SUGCT: variants seen among roughly 807,000 people sequenced by gnomAD.
SUGCT encodes succinyl-CoA:glutarate-CoA transferase.
Under a neutral mutation model 55.0 loss-of-function variants are expected in SUGCT, and 41 were observed. The observed-to-expected ratio is 0.74, with a 90% CI of 0.58 to 0.97. The LOEUF is 0.97. Among genes scored for constraint, SUGCT ranks in the 50% least tolerant of loss-of-function variants. SUGCT has a pLI of 0.00. For missense variants in SUGCT, 568 were observed against 547.8 expected (o/e 1.04, Z -0.37); for synonymous variants, 187 against 200.4 (o/e 0.93, Z 0.56).
chr7:40,478,889 A>C (rs1191439780), intron 11 of SUGCT, among the ~76,000 whole-genome samples: 1 of 152,076 alleles, frequency 6.6e-6, no homozygotes, highest in Non-Finnish European at 1.5e-5. Context: ...AATCAAATCG[A>C]TTCGATATAT....
chr7:40,649,351 G>A (rs1156323486), intron 12 of SUGCT, among the ~76,000 whole-genome samples: 1 of 151,978 alleles, frequency 6.6e-6, no homozygotes, highest in Non-Finnish European at 1.5e-5. Context: ...TACTGAGTAG[G>A]TACCATGCCC....
chr7:40,969,606 C>T, the SUGCT span, among the ~76,000 whole-genome samples: 1 of 152,186 alleles, frequency 6.6e-6, no homozygotes, highest in Non-Finnish European at 1.5e-5. Context: ...ATTCTTCCAC[C>T]CCAGCTTCCC....
At chr7:40,857,648 G>A (rs917714784) in intron 13 of SUGCT, among the ~76,000 whole-genome samples, 3 of 152,098 alleles carry the variant, frequency 2.0e-5, no homozygotes, top group African/African-American at 7.2e-5. Context: ...CGATCACTGT[G>A]TGGAGGTTAA....
chr7:40,535,651 T>C lies in SUGCT; in HGVS notation c.1089+39265T>C, dbSNP rs1172915670. Among the ~76,000 whole-genome samples the C allele has an allele frequency of 2.0e-5, 3 of 152,186 alleles. No homozygotes were observed. The East Asian group carries it at 5.8e-4, about 29-fold the overall frequency. On this transcript the variant is annotated intron_variant, in intron 12 of 13. Transcript: ENST00000335693. ...AATCAGGGTTGGACTAAAAGTGTGG[T>C]ACATATATACTATGGAATACTATGC...
intron 4 of SUGCT, among the ~76,000 whole-genome samples, chr7:40,188,870 G>A (rs1785708789): frequency 6.6e-6 from 1 of 151,690 alleles, no homozygotes; most frequent in South Asian, 2.1e-4. Context: ...TTATTATTAG[G>A]GAATAATTGC....
intron 3 of SUGCT, among the ~76,000 whole-genome samples, chr7:40,187,247 G>A (rs1370542730): frequency 1.3e-5 from 2 of 152,086 alleles, no homozygotes; most frequent in Admixed American, 1.3e-4. Context: ...AGAACACATG[G>A]ACACAGGAAG....
intron 1 of SUGCT, among the ~76,000 whole-genome samples, chr7:40,137,469 G>T (rs1017634871): frequency 1.3e-5 from 2 of 151,982 alleles, no homozygotes; most frequent in Non-Finnish European, 2.9e-5. Context: ...TTTAACTGAT[G>T]GACGCCTAAT....
chr7:40,624,034 C>T (rs1296989890), intron 12 of SUGCT, among the ~76,000 whole-genome samples: 1 of 152,174 alleles, frequency 6.6e-6, no homozygotes, highest in Non-Finnish European at 1.5e-5. Flanking sequence ...ATCAAATGGA[C>T]ATGCGTTAAA....
At chr7:40,965,726 C>G in the SUGCT span, 1 of 152,164 alleles carries the variant, frequency 6.6e-6, no homozygotes, top group Non-Finnish European at 1.5e-5. Context: ...ACAAAACAGA[C>G]TATTTGGAAA....
At chr7:40,233,554 A>G (rs562575644) in intron 6 of SUGCT, among the ~76,000 whole-genome samples, 1 of 152,318 alleles carries the variant, frequency 6.6e-6, no homozygotes, top group South Asian at 2.1e-4. Flanking sequence ...GAACAAGTGC[A>G]AGATTCCACG....
the SUGCT span, among the ~76,000 whole-genome samples, chr7:41,022,148 A>T: frequency 6.6e-6 from 1 of 152,168 alleles, no homozygotes; most frequent in African/African-American, 2.4e-5. Context: ...ACTCACCTAG[A>T]TACCTTGTAT....
At chr7:40,481,367 A>C (rs893502679) in intron 11 of SUGCT, among the ~76,000 whole-genome samples, 1 of 150,690 alleles carries the variant, frequency 6.6e-6, no homozygotes, top group African/African-American at 2.4e-5. Context: ...ATATATATAT[A>C]ATATTTCCTA....
chr7:40,858,795 C>T (rs759340953), intron 13 of SUGCT, among the ~76,000 whole-genome samples: 12 of 152,096 alleles, frequency 7.9e-5, no homozygotes, highest in Non-Finnish European at 1.6e-4. Flanking sequence ...GAGAAGAAAA[C>T]GATGAATGTC....
intron 9 of SUGCT, among the ~76,000 whole-genome samples, chr7:40,416,883 G>A (rs1336179214): frequency 6.6e-6 from 1 of 151,934 alleles, no homozygotes; most frequent in Non-Finnish European, 1.5e-5. Context: ...AGTCTGTCTG[G>A]AACTAGTGCC....
At chr7:40,429,249 G>T (rs1315083917) in intron 9 of SUGCT, among the ~76,000 whole-genome samples, 1 of 151,938 alleles carries the variant, frequency 6.6e-6, no homozygotes, top group African/African-American at 2.4e-5. Flanking sequence ...TGTTAATCCT[G>T]TATATCTGCT....
At chr7:40,325,159 G>C (rs1327775914) in intron 9 of SUGCT, among the ~76,000 whole-genome samples, 1 of 152,106 alleles carries the variant, frequency 6.6e-6, no homozygotes, top group Admixed American at 6.6e-5. Flanking sequence ...AAATGTCAAA[G>C]TGCTGTTAAA....
chr7:40,218,234 G>A (rs1787787758), intron 6 of SUGCT, among the ~76,000 whole-genome samples: 1 of 152,092 alleles, frequency 6.6e-6, no homozygotes, highest in East Asian at 1.9e-4. Flanking sequence ...AAAAAAGTAA[G>A]TAGAATAAAG....
intron 13 of SUGCT, among the ~76,000 whole-genome samples, chr7:40,790,372 C>G (rs1323444395): frequency 6.6e-6 from 1 of 152,184 alleles, no homozygotes; most frequent in African/African-American, 2.4e-5. Flanking sequence ...GCCTCCCAAG[C>G]CCTGTGGAAC....
chr7:40,908,154 G>A, the SUGCT span, among the ~76,000 whole-genome samples: 177 of 151,856 alleles, frequency 1.2e-3, no homozygotes, highest in East Asian at 3.9e-3. Context: ...TGAGGCAGGC[G>A]GATCACGAGG....
Sources: allele counts gnomAD v4.1 joint callset (sites outside exome capture counted in the v4.1 genomes callset), GRCh38; gene constraint gnomAD v4.1.1; transcripts MANE v1.5; gene names NCBI Gene and HGNC (gene_info 2026-07-23, HGNC 2026-07-21).